Variants in TRANK1 observed in about 807,000 individuals in gnomAD.
The protein encoded by TRANK1 is TPR and ankyrin repeat-containing protein 1.
Under a neutral mutation model 266.0 loss-of-function variants are expected in TRANK1, and 198 were observed. The ratio of observed to expected loss-of-function variants is 0.74; its 90% confidence interval spans 0.66 to 0.84. TRANK1 has a LOEUF of 0.84. Ranked by LOEUF, TRANK1 falls within the 40% of genes least tolerant of loss-of-function variation. The probability of loss-of-function intolerance (pLI) is 0.00; values close to 1 mark genes in which losing one functional copy is unlikely to be tolerated. For synonymous variants in TRANK1, 1,396 were observed against 1,384.1 expected (o/e 1.01, Z -0.19); for missense variants, 3,326 against 3,634.6 (o/e 0.92, Z 2.18).
chr3:36,891,469 G>A (rs1420411501), intron 7 of TRANK1, among the ~76,000 whole-genome samples: 1 of 152,148 alleles, frequency 6.6e-6, no homozygotes, highest in Non-Finnish European at 1.5e-5. Flanking sequence ...CCATTCCTGG[G>A]GAGATGATAC....
rs1423613020 is a variant in TRANK1 at position 36,858,849 on chromosome 3, G to A, written c.1541C>T (p.Thr514Met). ...CTCGAAGTCCTCATGTTTCAGGCAC[G>A]TGACAACTGGCCTCTCCTGGCTCTC... ...LQESQERPVVTCLKHEDFELA... is the reference protein window; with the variant it reads ...LQESQERPVVMCLKHEDFELA... Residue 514 changes from threonine (T) to methionine (M), a missense_variant, in exon 12 of 24, where the codon ACG becomes ATG. Coordinates refer to ENST00000645898, the MANE Select transcript of TRANK1 (RefSeq NM_001329998.2). 1.2e-5 allele frequency: 18 copies of A among 1,537,090 alleles called. No homozygotes were observed. The highest frequency in any genetic ancestry group is 9.8e-5 in the Admixed American group (5 of 50,984).
rs1321601562 is a variant in TRANK1 at position 36,856,597 on chromosome 3, T to C, written c.3125A>G (p.Asn1042Ser). 5.0e-6 allele frequency: 8 copies of C among 1,613,996 alleles called. No individual in the cohort carries two copies. Among genetic ancestry groups the C allele is most frequent in the Non-Finnish European group, 6.8e-6 (8 of 1,179,892 alleles). ...GTACTCCACTGTGGCTGTCGTGTCA[T>C]TGAGGATGTTAAAGGCCATGTTGGT... The part of the protein sequence containing the change: ...FSTNMAFNIL[N>S]DTTATVEYPF... The change falls in exon 13 of 24, where the codon AAT becomes AGT. Residue 1042 changes from asparagine (N) to serine (S), a missense_variant. Physicochemically the swap from Asn to Ser is conservative, Grantham distance 46 (BLOSUM62 1). Coordinates refer to ENST00000645898, the MANE Select transcript of TRANK1 (RefSeq NM_001329998.2).
chr3:36,888,904 C>T (rs2079646299), intron 8 of TRANK1, among the ~76,000 whole-genome samples: 1 of 152,114 alleles, frequency 6.6e-6, no homozygotes, highest in African/African-American at 2.4e-5. Flanking sequence ...ATTAGCTGGG[C>T]ATGGCGGTGT....
chr3:36,860,914 T>C lies in TRANK1; in HGVS notation c.1487A>G (p.Asp496Gly), dbSNP rs1262795600. 1 of 1,537,340 alleles carries C rather than the reference T, an allele frequency of 6.5e-7. No homozygotes were observed. The highest frequency in any genetic ancestry group is 8.7e-7 in the Non-Finnish European group (1 of 1,146,922). ...RKKQLLGCLI[D>G]SGALPDGLQE... Reference sequence around the variant, plus strand: ...CATCCAGTCACTCTCACCTCCACTGTCTATCAGGCAGCCCAGAAGCTGTTT... The same window carrying C: ...CATCCAGTCACTCTCACCTCCACTGCCTATCAGGCAGCCCAGAAGCTGTTT... The change falls in exon 11 of 24, where the codon GAC becomes GGC. Residue 496 changes from aspartate to glycine, a missense_variant. Physicochemically the swap from Asp to Gly is moderately conservative, Grantham distance 94. Transcript: ENST00000645898.
chr3:36,889,800 C>T (rs1244056239), intron 8 of TRANK1, 29 bp downstream of exon 8: 21 of 1,512,896 alleles, frequency 1.4e-5, no homozygotes, highest in Middle Eastern at 1.7e-4. Flanking sequence ...CCAGCCACAG[C>T]GCACCCTCTG....
At chr3:36,845,520 C>CACAT (rs1429601709) in intron 17 of TRANK1, among the ~76,000 whole-genome samples, 1 of 152,150 alleles carries the variant, frequency 6.6e-6, no homozygotes, top group South Asian at 2.1e-4. Flanking sequence ...TGTATATATA[C>CACAT]ACATACATAC....
intron 22 of TRANK1, 78 bp from the exon 23 acceptor site, chr3:36,829,740 C>T: frequency 6.9e-7 from 1 of 1,442,050 alleles, no homozygotes; most frequent in Non-Finnish European, 9.6e-7. Context: ...GACCCAGAGT[C>T]CCCACATCCC....
intron 1 of TRANK1, among the ~76,000 whole-genome samples, chr3:36,938,011 C>T (rs2080446448): frequency 6.6e-6 from 1 of 152,122 alleles, no homozygotes. Flanking sequence ...CAGCAATTTG[C>T]TTCCTCCTCA....
chr3:36,846,355 C>A lies in TRANK1; in HGVS notation c.5084G>T (p.Arg1695Leu). 1.9e-6 allele frequency: 3 copies of A among 1,613,768 alleles called. No individual in the cohort carries two copies. Among genetic ancestry groups the A allele is most frequent in the Non-Finnish European group, 2.5e-6 (3 of 1,179,818 alleles). Reference sequence around the variant, plus strand: ...TTCATCAAAGATCCAGAGGTTGACCCGAGCCCGTGTGATGGCGGTGTACAG... The same window carrying A: ...TTCATCAAAGATCCAGAGGTTGACCAGAGCCCGTGTGATGGCGGTGTACAG... ...KQLYTAITRA[R>L]VNLWIFDENR... The change falls in exon 17 of 24, where the codon CGG (arginine) becomes CTG (leucine). Residue 1695 changes from arginine to leucine, a missense_variant. Physicochemically the swap from Arg to Leu is moderately radical, Grantham distance 102 (BLOSUM62 -2). Coordinates refer to ENST00000645898, the MANE Select transcript of TRANK1 (RefSeq NM_001329998.2).
In TRANK1 at chr3:36,833,809, T is replaced by C. The variant is rs2078731826; in HGVS notation, c.5774A>G (p.Lys1925Arg). ...CTTTGAGAGGACAGCCATCATTTCC[T>C]TCATCTTATTTGCACTCAGATACTT... ...AAKYLSANKM[K>R]EMMAVLSKLD... The change falls in exon 22 of 24, where the codon AAG becomes AGG. Residue 1925 changes from lysine to arginine, a missense_variant. Coordinates refer to ENST00000645898, the MANE Select transcript of TRANK1 (RefSeq NM_001329998.2). The C allele has an allele frequency of 6.2e-7, 1 of 1,613,918 alleles. No individual in the cohort carries two copies. Among genetic ancestry groups the C allele is most frequent in the Non-Finnish European group, 8.5e-7 (1 of 1,179,912 alleles).
intron 10 of TRANK1, among the ~76,000 whole-genome samples, chr3:36,861,962 C>G (rs1485041933): frequency 6.6e-6 from 1 of 152,040 alleles, no homozygotes; most frequent in African/African-American, 2.4e-5. Context: ...ACCTCAGCCT[C>G]CCAAAGTGCT....
In TRANK1 at chr3:36,843,406, G is replaced by GA. The variant is rs1243123170; in HGVS notation, c.5192-697dup. On this transcript the variant is annotated intron_variant, in intron 17 of 23. Coordinates refer to ENST00000645898, the MANE Select transcript of TRANK1 (RefSeq NM_001329998.2). ...AGCTCCCAGGCCAGGGCTTCAGCAA[G>GA]AAAAAAAAGGTGACAAATTTTACAC... 3.3e-5 allele frequency among the ~76,000 whole-genome samples: 5 copies of GA among 151,684 alleles called. No individual in the cohort carries two copies. The South Asian group carries it at 6.2e-4, about 19-fold the overall frequency.
At chr3:36,930,582 A>C (rs2080348329) in intron 1 of TRANK1, among the ~76,000 whole-genome samples, 1 of 152,254 alleles carries the variant, frequency 6.6e-6, no homozygotes, top group Non-Finnish European at 1.5e-5. Context: ...TTCCAAATGA[A>C]TAAAAAAAGT....
intron 3 of TRANK1, among the ~76,000 whole-genome samples, chr3:36,900,645 G>A (rs1331426968): frequency 6.6e-6 from 1 of 151,806 alleles, no homozygotes; most frequent in African/African-American, 2.4e-5. Flanking sequence ...GGAGGCCAAG[G>A]CAGGAGGACT....
In TRANK1 at chr3:36,855,030, A is replaced by G. The variant is rs2079032572; in HGVS notation, c.4549+143T>C. The G allele has an allele frequency of 5.6e-6, 4 of 715,442 alleles. No homozygotes were observed. In the South Asian group the frequency reaches 6.0e-5, roughly 11 times the overall value. 44.3% of individuals were successfully genotyped at this position (715,442 alleles called of 1,614,324 possible). A position where few individuals can be genotyped will look rare whatever the true frequency, so the allele number is the denominator to read the frequency against. On this transcript the variant is annotated intron_variant, in intron 13 of 23. Transcript: ENST00000645898. The stretch of plus-strand genomic sequence containing the variant: ...GCCAAAATCATACTATCTCTTGTCC[A>G]TGAGCGTATTTACTAACAAATTCCA...
At chr3:36,931,874 G>A (rs575503703) in intron 1 of TRANK1, among the ~76,000 whole-genome samples, 38 of 152,206 alleles carry the variant, frequency 2.5e-4, no homozygotes, top group African/African-American at 8.2e-4. Context: ...TGATTGCACC[G>A]CTGCACTGCA....
rs115748722 is a variant in TRANK1, at chr3:36,911,678, C to T, written c.24-3224G>A. 2.6e-3 allele frequency among the ~76,000 whole-genome samples: 402 copies of T among 152,196 alleles called. 2 individuals are homozygous for T. Among genetic ancestry groups the T allele is most frequent in the African/African-American group, 9.2e-3 (380 of 41,520 alleles). On this transcript the variant is annotated intron_variant, in intron 1 of 23. Coordinates refer to ENST00000645898, the MANE Select transcript of TRANK1 (RefSeq NM_001329998.2). ...TTCATTGAGAGTTACATTCTCATTA[C>T]ACGGAAGAATGCTTTATATCTCTAC...
intron 9 of TRANK1, among the ~76,000 whole-genome samples, chr3:36,865,117 G>T (rs1227963504): frequency 1.1e-4 from 15 of 135,898 alleles, no homozygotes; most frequent in Non-Finnish European, 1.5e-5. Flanking sequence ...AACCTCTGCC[G>T]CCAAGGTTCA....
intron 2 of TRANK1, among the ~76,000 whole-genome samples, chr3:36,904,377 G>A (rs184364968): frequency 6.6e-6 from 1 of 151,888 alleles, no homozygotes; most frequent in East Asian, 2.0e-4. Context: ...AAAATTATCT[G>A]GGTGTGGTGG....
Sources: gnomAD v4.1 joint callset for allele counts (sites outside exome capture counted in the v4.1 genomes callset) on GRCh38, gnomAD v4.1.1 for gene constraint, MANE v1.5 for transcripts, NCBI Gene and HGNC (gene_info 2026-07-23, HGNC 2026-07-21) for gene names.